The following SMIM14 variants were observed in gnomAD, a reference collection of about 807,000 sequenced individuals.
SMIM14 encodes chromosome 4 open reading frame 34.
A neutral mutation model predicts 12.6 loss-of-function variants in SMIM14; 5 were observed. That is an observed-to-expected ratio of 0.40 (90% CI 0.21 to 0.83). SMIM14 has a LOEUF of 0.83. Among genes scored for constraint, SMIM14 ranks in the 40% least tolerant of loss-of-function variants. The pLI is 0.37. For missense variants in SMIM14, 86 were observed against 119.1 expected (o/e 0.72, Z 1.29); for synonymous variants, 30 against 40.1 (o/e 0.75, Z 0.95).
Position 39,558,102 on chromosome 4 carries a change from G to A in SMIM14, c.125-1532C>T, listed in dbSNP as rs1232670077. On this transcript the variant is annotated intron_variant, in intron 3 of 4. Transcript: ENST00000295958. This position sits in a 1 kb window ranked among gnomAD's most constrained non-coding sequence, Gnocchi z 4.3. The stretch of plus-strand genomic sequence containing the variant: ...TTTAATTTGAAATAACAAGTGCCTA[G>A]CACAGTGCCTGACCCATGATATGAG... Among the ~76,000 whole-genome samples the A allele has an allele frequency of 6.6e-6, 1 of 152,124 alleles. No individual in the cohort carries two copies. Among genetic ancestry groups the A allele is most frequent in the Non-Finnish European group, 1.5e-5 (1 of 68,046 alleles).
intron 1 of SMIM14, among the ~76,000 whole-genome samples, chr4:39,632,815 ACACACACACAC>A (rs1317925349): frequency 2.3e-4 from 35 of 150,218 alleles, no homozygotes; most frequent in Non-Finnish European, 5.0e-4. Flanking sequence ...ACACACACAC[ACACACACACAC>A]AAAAGAAAAA....
Position 39,551,168 on chromosome 4 carries a change from C to G in SMIM14, c.*958G>C, listed in dbSNP as rs1711685039. 1 of 152,160 alleles carries G rather than the reference C, an allele frequency of 6.6e-6. No homozygotes were observed. Among genetic ancestry groups the G allele is most frequent in the African/African-American group, 2.4e-5 (1 of 41,434 alleles). The allele number at this position is 152,160 out of a possible 1,614,324, so 9.4% of individuals were successfully genotyped here. A position where few individuals can be genotyped will look rare whatever the true frequency, so the allele number is the denominator to read the frequency against. ...TCAAGTGATCCACCCACCTCAGCCTCCCAAAGTGCTGGGATTACAGGTGTG... is the reference window on the plus strand; with the variant it reads ...TCAAGTGATCCACCCACCTCAGCCTGCCAAAGTGCTGGGATTACAGGTGTG... On this transcript the variant is annotated 3_prime_UTR_variant, in exon 5 of 5. Coordinates refer to ENST00000295958, the MANE Select transcript of SMIM14 (RefSeq NM_174921.3).
intron 1 of SMIM14, among the ~76,000 whole-genome samples, chr4:39,619,871 T>TAC (rs1715409877): frequency 1.2e-5 from 1 of 83,254 alleles, no homozygotes; most frequent in African/African-American, 5.1e-5. Context: ...TATATATATA[T>TAC]ATATATTTTT....
intron 2 of SMIM14, among the ~76,000 whole-genome samples, chr4:39,573,408 G>A (rs1443087066): frequency 1.3e-5 from 2 of 152,110 alleles, no homozygotes; most frequent in African/African-American, 4.8e-5. Flanking sequence ...CCCATGTTTT[G>A]GTTTTTAATG....
intron 1 of SMIM14, among the ~76,000 whole-genome samples, chr4:39,635,468 C>G (rs542101918): frequency 2.5e-4 from 38 of 152,078 alleles, no homozygotes; most frequent in Middle Eastern, 6.8e-3. Flanking sequence ...AATAAAAAGC[C>G]AAAGTGGAAG....
intron 2 of SMIM14, among the ~76,000 whole-genome samples, chr4:39,600,079 G>T (rs1714542117): frequency 6.6e-6 from 1 of 152,222 alleles, no homozygotes; most frequent in Admixed American, 6.5e-5. Context: ...AAATGGAAAA[G>T]ATGTGTCAAC....
rs151013803 is a variant in SMIM14, at chr4:39,597,808, C to A, written c.75+7263G>T. On this transcript the variant is annotated intron_variant, in intron 2 of 4. Transcript: ENST00000295958. ...CACTACATCATGGTCCTTTTATTTT[C>A]TTCAACTACTTTGCCTGTTTTTCTG... Among the ~76,000 whole-genome samples, 54 of 152,154 alleles carry A rather than the reference C, an allele frequency of 3.5e-4. 1 individual carries two copies. Among genetic ancestry groups the A allele is most frequent in the African/African-American group, 1.3e-3 (53 of 41,558 alleles).
At chr4:39,637,257 T>C (rs542610058) in intron 1 of SMIM14, among the ~76,000 whole-genome samples, 57 of 152,282 alleles carry the variant, frequency 3.7e-4, no homozygotes, top group African/African-American at 1.4e-3. Flanking sequence ...ACACAAAGTA[T>C]TTCGTATAAC....
chr4:39,581,561 G>C (rs1221635884), intron 2 of SMIM14, among the ~76,000 whole-genome samples: 2 of 142,292 alleles, frequency 1.4e-5, no homozygotes, highest in Non-Finnish European at 3.0e-5. Context: ...TGTCACCCAG[G>C]CTGGAGTGCA....
chr4:39,600,984 G>A (rs1190711261), intron 2 of SMIM14, among the ~76,000 whole-genome samples: 1 of 151,956 alleles, frequency 6.6e-6, no homozygotes, highest in African/African-American at 2.4e-5. Flanking sequence ...GGCAACTTGA[G>A]TGTATGCTCC....
chr4:39,563,656 T>G (rs1560284399), intron 3 of SMIM14, among the ~76,000 whole-genome samples: 1 of 152,212 alleles, frequency 6.6e-6, no homozygotes, highest in Non-Finnish European at 1.5e-5. Flanking sequence ...TTTATTCACC[T>G]ATAACCTACA....
intron 3 of SMIM14, among the ~76,000 whole-genome samples, chr4:39,562,391 C>T (rs1245485527): frequency 1.3e-5 from 2 of 151,656 alleles, no homozygotes; most frequent in African/African-American, 4.9e-5. Context: ...CCCAAACAAA[C>T]AAACAAACAA....
chr4:39,618,454 C>T (rs768121128), intron 1 of SMIM14, among the ~76,000 whole-genome samples: 2 of 151,922 alleles, frequency 1.3e-5, no homozygotes, highest in Non-Finnish European at 2.9e-5. Context: ...CAAGATCAGC[C>T]TGGCCAAGAT....
At chr4:39,613,377 G>T (rs755540005) in intron 1 of SMIM14, among the ~76,000 whole-genome samples, 9 of 152,316 alleles carry the variant, frequency 5.9e-5, no homozygotes, top group Non-Finnish European at 1.2e-4. Flanking sequence ...ACACTTCTGT[G>T]GAACTTTCTT....
At chr4:39,612,603 T>A (rs1448178894) in intron 1 of SMIM14, among the ~76,000 whole-genome samples, 1 of 152,228 alleles carries the variant, frequency 6.6e-6, no homozygotes, top group African/African-American at 2.4e-5. Flanking sequence ...AAGATTTTCT[T>A]ATTTTTTAAA....
chr4:39,594,418 A>T (rs1428209631), intron 2 of SMIM14: 1 of 152,090 alleles, frequency 6.6e-6, no homozygotes, highest in Non-Finnish European at 1.5e-5. Flanking sequence ...TGGATTAAAG[A>T]CTTAAACGTT....
intron 4 of SMIM14, among the ~76,000 whole-genome samples, chr4:39,554,345 C>T (rs1332179857): frequency 1.3e-5 from 2 of 152,164 alleles, no homozygotes; most frequent in Non-Finnish European, 2.9e-5. Context: ...TGGTGACACA[C>T]ATCTGTAATG....
intron 1 of SMIM14, among the ~76,000 whole-genome samples, chr4:39,628,635 T>A (rs1416733864): frequency 6.7e-6 from 1 of 149,784 alleles, no homozygotes; most frequent in Non-Finnish European, 1.5e-5. Context: ...TGAGACGAGA[T>A]CACACTACTG....
At chr4:39,571,609 A>G (rs1291601423) in intron 3 of SMIM14, among the ~76,000 whole-genome samples, 2 of 152,112 alleles carry the variant, frequency 1.3e-5, no homozygotes, top group Non-Finnish European at 2.9e-5. Context: ...ATTAAAGAAA[A>G]AAAAAGAATT....
Sources: allele counts gnomAD v4.1 joint callset (sites outside exome capture counted in the v4.1 genomes callset), GRCh38; gene constraint gnomAD v4.1.1; non-coding constraint Gnocchi (gnomAD v3.1); transcripts MANE v1.5; gene names NCBI Gene and HGNC (gene_info 2026-07-23, HGNC 2026-07-21).